The following SLC15A2 variants were observed in gnomAD, a reference collection of about 807,000 sequenced individuals.
SLC15A2 encodes the protein kidney H(+)/peptide cotransporter.
In SLC15A2, 77 loss-of-function variants were observed where a neutral mutation model predicts 95.5. That is an observed-to-expected ratio of 0.81 (90% CI 0.67 to 0.97). The LOEUF is 0.97. Ranked by LOEUF, SLC15A2 falls within the 50% of genes least tolerant of loss-of-function variation. SLC15A2 has a pLI of 0.00. For synonymous variants in SLC15A2, 306 were observed against 306.9 expected, an observed-to-expected ratio of 1.00 and a Z score of 0.03; for missense variants, 893 against 874.4, an observed-to-expected ratio of 1.02 and a Z score of -0.27.
chr3:121,913,067 G>A lies in SLC15A2; in HGVS notation c.475G>A (p.Gly159Ser), dbSNP rs758084252. The A allele has an allele frequency of 4.3e-6, 7 of 1,613,790 alleles. No homozygotes were observed. Among genetic ancestry groups the A allele is most frequent in the Non-Finnish European group, 5.9e-6 (7 of 1,179,844 alleles). Residue 159 changes from glycine (G) to serine (S), a missense_variant, in exon 5 of 22, where the codon GGC (glycine) becomes AGC (serine). Gly to Ser is a moderately conservative substitution (Grantham distance 56, BLOSUM62 0). Coordinates refer to ENST00000489711, the MANE Select transcript of SLC15A2 (RefSeq NM_021082.4). ...GAGTCTAATAGCTTTGGGGACAGGA[G>A]GCATCAAACCCTGTGTGGCAGCTTT... Reference protein sequence around the residue: ...GLSLIALGTGGIKPCVAAFGG... With the variant: ...GLSLIALGTGSIKPCVAAFGG...
rs1387723833 is a variant in SLC15A2, at chr3:121,928,682, T to C, written c.1341+127T>C. 2.8e-6 allele frequency: 3 copies of C among 1,077,206 alleles called. No individual in the cohort carries two copies. The East Asian group carries it at 7.3e-5, about 26-fold the overall frequency. 66.7% of individuals were successfully genotyped at this position (1,077,206 alleles called of 1,614,324 possible). A position where few individuals can be genotyped will look rare whatever the true frequency, so the allele number is the denominator to read the frequency against. ...ATAATCTTTGAGCACATGATTTTAATGGGCATATAATATTCCATTCTATAG... is the reference window on the plus strand; with the variant it reads ...ATAATCTTTGAGCACATGATTTTAACGGGCATATAATATTCCATTCTATAG... On this transcript the variant is annotated intron_variant, in intron 15 of 21. Coordinates refer to ENST00000489711, the MANE Select transcript of SLC15A2 (RefSeq NM_021082.4).
intron 9 of SLC15A2, 86 bp downstream of exon 9, chr3:121,922,947 C>T (rs1710037084): frequency 1.3e-6 from 2 of 1,534,696 alleles, no homozygotes; most frequent in Non-Finnish European, 1.8e-6. Flanking sequence ...CATTCAACCT[C>T]CTCTCTACTG....
rs116797045 is a variant in SLC15A2 at position 121,910,235 on chromosome 3, G to A, written c.336-1339G>A. On this transcript the variant is annotated intron_variant, in intron 3 of 21. Transcript: ENST00000489711. ...TTTTGAGACGGAGTCTTGCTCTGTCGCCAGTATGGAGTGCAGTGGCACCAT... is the reference window on the plus strand; with the variant it reads ...TTTTGAGACGGAGTCTTGCTCTGTCACCAGTATGGAGTGCAGTGGCACCAT... Among the ~76,000 whole-genome samples the A allele has an allele frequency of 2.5e-3, 332 of 134,324 alleles. 3 individuals are homozygous for A. Among genetic ancestry groups the A allele is most frequent in the African/African-American group, 8.4e-3 (300 of 35,640 alleles). The allele number at this position is 134,324 out of a possible 152,430, so 88.1% of individuals were successfully genotyped here.
At chr3:121,938,080 G>T (rs1710384353) in intron 19 of SLC15A2, among the ~76,000 whole-genome samples, 1 of 151,426 alleles carries the variant, frequency 6.6e-6, no homozygotes, top group Non-Finnish European at 1.5e-5. Flanking sequence ...GCTGCTCAGG[G>T]GTCAGGGGTC....
intron 3 of SLC15A2, among the ~76,000 whole-genome samples, chr3:121,900,539 TCTCA>T (rs1187774218): frequency 1.8e-4 from 28 of 152,186 alleles, no homozygotes; most frequent in Non-Finnish European, 3.5e-4. Flanking sequence ...TGTCTACTAA[TCTCA>T]CTCCAACTGA....
chr3:121,924,455 TTAAC>T, intron 12 of SLC15A2, 72 bp downstream of exon 12: 2 of 1,319,252 alleles, frequency 1.5e-6, no homozygotes, highest in African/African-American at 1.5e-5. Context: ...AGTATTACGA[TTAAC>T]AACCATAATT....
chr3:121,912,083 G>A (rs1709778799), intron 4 of SLC15A2, among the ~76,000 whole-genome samples: 1 of 152,088 alleles, frequency 6.6e-6, no homozygotes. Context: ...GATGTTTATG[G>A]GATCAGAGGC....
chr3:121,935,795 G>A (rs1710332438), intron 19 of SLC15A2, among the ~76,000 whole-genome samples: 1 of 151,884 alleles, frequency 6.6e-6, no homozygotes, highest in African/African-American at 2.4e-5. Context: ...GTTATTTCTT[G>A]CCTTCTGCTA....
Position 121,941,135 on chromosome 3 carries a change from C to A in SLC15A2, c.*128C>A. 2.5e-6 allele frequency: 2 copies of A among 800,930 alleles called. No homozygotes were observed. Among genetic ancestry groups the A allele is most frequent in the Non-Finnish European group, 3.8e-6 (2 of 521,990 alleles). The allele number at this position is 800,930 out of a possible 1,614,324, so 49.6% of individuals were successfully genotyped here. ...GATCTCCTCCACCTTTCTCCAATGA[C>A]AGAAGTTCCAGGACTGGTTTTCCAG... On this transcript the variant is annotated 3_prime_UTR_variant, in exon 22 of 22. Transcript: ENST00000489711.
chr3:121,922,396 C>G (rs1710024265), intron 8 of SLC15A2, 94 bp downstream of exon 8: 1 of 889,298 alleles, frequency 1.1e-6, no homozygotes, highest in East Asian at 2.5e-5. Context: ...ATACATTTTT[C>G]TCAATGACCT....
At chr3:121,927,711 T>C (rs1285095023) in intron 13 of SLC15A2, 47 bp from the exon 14 acceptor site, 4 of 1,434,772 alleles carry the variant, frequency 2.8e-6, no homozygotes, top group South Asian at 1.1e-5. Flanking sequence ...GATTTCATCC[T>C]TTAGAGTCTA....
At chr3:121,915,346 A>T (rs1709871730) in intron 6 of SLC15A2, 29 bp downstream of exon 6, 3 of 1,489,564 alleles carry the variant, frequency 2.0e-6, no homozygotes, top group Non-Finnish European at 2.8e-6. Flanking sequence ...GGCCCTGTAT[A>T]AGGCTTTGCT....
At chr3:121,913,950 A>T (rs930778678) in intron 5 of SLC15A2, among the ~76,000 whole-genome samples, 3 of 77,578 alleles carry the variant, frequency 3.9e-5, no homozygotes, top group African/African-American at 5.1e-5. Context: ...TCTCCCCCCC[A>T]CCTCCCGCCA....
At chr3:121,912,414 C>T (rs1435078471) in intron 4 of SLC15A2, among the ~76,000 whole-genome samples, 2 of 151,766 alleles carry the variant, frequency 1.3e-5, no homozygotes, top group Admixed American at 6.6e-5. Context: ...GTGTATTTTT[C>T]GTAGAGATGG....
intron 3 of SLC15A2, among the ~76,000 whole-genome samples, chr3:121,903,904 G>C (rs1288382203): frequency 3.3e-5 from 5 of 152,216 alleles, no homozygotes; most frequent in South Asian, 2.1e-4. Flanking sequence ...TTGGTAGCTT[G>C]ATGGGGATAG....
chr3:121,938,033 G>A (rs1374686729), intron 19 of SLC15A2, among the ~76,000 whole-genome samples: 5 of 151,650 alleles, frequency 3.3e-5, no homozygotes, highest in African/African-American at 1.2e-4. Context: ...CATGTGAGGT[G>A]TCAGTCTGCC....
chr3:121,922,765 T>C lies in SLC15A2; in HGVS notation c.781-10T>C, dbSNP rs1313559129. On this transcript the variant is annotated splice_polypyrimidine_tract_variant and intron_variant, in intron 8 of 21. Coordinates refer to ENST00000489711, the MANE Select transcript of SLC15A2 (RefSeq NM_021082.4). ...TTTGTCTCTCCCATGATGTCTACTC[T>C]CTGCCCTAGTTTGCTATTTCCAATC... 1.1e-5 allele frequency: 17 copies of C among 1,609,826 alleles called. No homozygotes were observed. The highest frequency in any genetic ancestry group is 1.4e-5 in the Non-Finnish European group (16 of 1,176,496).
At chr3:121,925,067 A>C in intron 13 of SLC15A2, 34 bp downstream of exon 13, 1 of 1,388,674 alleles carries the variant, frequency 7.2e-7, no homozygotes, top group Non-Finnish European at 1.0e-6. Context: ...GGATTACTCT[A>C]AATTGACTCA....
At chr3:121,903,110 A>G (rs1047863830) in intron 3 of SLC15A2, among the ~76,000 whole-genome samples, 4 of 152,184 alleles carry the variant, frequency 2.6e-5, no homozygotes, top group Non-Finnish European at 5.9e-5. Flanking sequence ...GCCAGTGATG[A>G]TGAGCATTTT....
Sources: allele counts gnomAD v4.1 joint callset (sites outside exome capture counted in the v4.1 genomes callset), GRCh38; gene constraint gnomAD v4.1.1; transcripts MANE v1.5; gene names NCBI Gene and HGNC (gene_info 2026-07-23, HGNC 2026-07-21).